Variants in TP53BP1 observed in about 807,000 individuals in gnomAD.
TP53BP1 encodes tumor protein p53 binding protein 1.
Under a neutral mutation model 200.8 loss-of-function variants are expected in TP53BP1, and 61 were observed. That is an observed-to-expected ratio of 0.30 (90% CI 0.25 to 0.38). TP53BP1 has a LOEUF of 0.38. Ranked by LOEUF, TP53BP1 falls within the 10% of genes least tolerant of loss-of-function variation. The probability of loss-of-function intolerance (pLI) is 1.00; values close to 1 mark genes in which losing one functional copy is unlikely to be tolerated. For synonymous variants in TP53BP1, 822 were observed against 844.3 expected, an observed-to-expected ratio of 0.97 and a Z score of 0.46; for missense variants, 2,144 against 2,371.9, an observed-to-expected ratio of 0.90 and a Z score of 2.00.
chr15:43,475,242 C>G (rs888143678), intron 9 of TP53BP1, among the ~76,000 whole-genome samples: 1 of 152,212 alleles, frequency 6.6e-6, no homozygotes, highest in Non-Finnish European at 1.5e-5. Flanking sequence ...ACAACCTATT[C>G]TCCACCCTCT....
In TP53BP1 at chr15:43,415,819, G is replaced by T; in HGVS notation, c.4874-10C>A. On this transcript the variant is annotated splice_polypyrimidine_tract_variant and intron_variant, in intron 22 of 27. Coordinates refer to ENST00000382044, the MANE Select transcript of TP53BP1 (RefSeq NM_001141980.3). ...CCTTCCACCAAATTGTCTATGGCAG[G>T]ATAAGCCAAACAGGTTGGTCAAACT... 1 of 1,612,664 alleles carries T rather than the reference G, an allele frequency of 6.2e-7. No individual in the cohort carries two copies.
chr15:43,501,663 A>G (rs757848936), intron 1 of TP53BP1, among the ~76,000 whole-genome samples: 1 of 152,188 alleles, frequency 6.6e-6, no homozygotes, highest in Admixed American at 6.5e-5. Context: ...AACTTCTATG[A>G]CCATAGATTA....
chr15:43,447,032 T>C (rs2046057312), intron 13 of TP53BP1: 5 of 489,636 alleles, frequency 1.0e-5, no homozygotes, highest in Admixed American at 2.6e-5. Context: ...ACTGAATAAA[T>C]AGTACTTCTA....
At chr15:43,487,294 T>C (rs1048016158) in intron 4 of TP53BP1, among the ~76,000 whole-genome samples, 2 of 149,848 alleles carry the variant, frequency 1.3e-5, no homozygotes, top group African/African-American at 2.4e-5. Context: ...ATGGCTAAAA[T>C]AAAAAATACT....
chr15:43,441,874 C>A (rs938173422), intron 14 of TP53BP1, among the ~76,000 whole-genome samples: 2 of 152,008 alleles, frequency 1.3e-5, no homozygotes, highest in Admixed American at 6.6e-5. Flanking sequence ...CTCAACCTCC[C>A]GAGTAGCTGG....
At chr15:43,431,076 GGCAGGGAGCATATATAGCATATGGATAT>G (rs1380090708) in intron 17 of TP53BP1, among the ~76,000 whole-genome samples, 2 of 152,064 alleles carry the variant, frequency 1.3e-5, no homozygotes, top group Non-Finnish European at 2.9e-5. Flanking sequence ...GTCATTAACA[GGCAGGGAGCATATATAGCATATGGATAT>G]GCTAGAAAAA....
intron 14 of TP53BP1, among the ~76,000 whole-genome samples, chr15:43,445,638 G>C (rs964642404): frequency 6.6e-6 from 1 of 152,116 alleles, no homozygotes; most frequent in Non-Finnish European, 1.5e-5. Context: ...ACCTACTTGG[G>C]AGTACTATTA....
At chr15:43,461,101 T>G (rs1237298248) in intron 11 of TP53BP1, among the ~76,000 whole-genome samples, 1 of 152,110 alleles carries the variant, frequency 6.6e-6, no homozygotes, top group African/African-American at 2.4e-5. Context: ...AATAATTCCA[T>G]TTCTGGGAAA....
At chr15:43,411,526 T>G (rs1453541043) in intron 24 of TP53BP1, among the ~76,000 whole-genome samples, 2 of 152,258 alleles carry the variant, frequency 1.3e-5, no homozygotes, top group African/African-American at 2.4e-5. Flanking sequence ...TCTTAAAAAC[T>G]ATAATTCTGT....
Position 43,456,525 on chromosome 15 carries a change from G to C in TP53BP1, c.2083C>G (p.His695Asp), listed in dbSNP as rs1183849417. ...GACTGAGTTTCAGTCAGAGAAAGGTGCAACGGAACACTCTCCATATTTTCT... is the reference window on the plus strand; with the variant it reads ...GACTGAGTTTCAGTCAGAGAAAGGTCCAACGGAACACTCTCCATATTTTCT... ...KEENMESVPLHLSLTETQSQG... is the reference protein window; with the variant it reads ...KEENMESVPLDLSLTETQSQG... Residue 695 changes from histidine (H) to aspartate (D), a missense_variant, in exon 12 of 28, where the codon CAC (histidine) becomes GAC (aspartate). Physicochemically the swap from His to Asp is moderately conservative, Grantham distance 81. Coordinates refer to ENST00000382044, the MANE Select transcript of TP53BP1 (RefSeq NM_001141980.3). The C allele has an allele frequency of 6.2e-7, 1 of 1,603,450 alleles. No homozygotes were observed. Among genetic ancestry groups the C allele is most frequent in the Admixed American group, 1.7e-5 (1 of 58,472 alleles).
At chr15:43,452,596 A>G (rs1383849576) in intron 12 of TP53BP1, among the ~76,000 whole-genome samples, 4 of 151,218 alleles carry the variant, frequency 2.6e-5, no homozygotes, top group African/African-American at 9.8e-5. Flanking sequence ...AAAAGCTATT[A>G]TTCTCCCTTC....
chr15:43,447,210 TA>T, intron 13 of TP53BP1, 155 bp downstream of exon 13: 2 of 703,604 alleles, frequency 2.8e-6, no homozygotes, highest in Non-Finnish European at 4.6e-6. Flanking sequence ...CTCCTAGTAG[TA>T]AAATCACAGA....
Position 43,416,233 on chromosome 15 carries a change from A to G in TP53BP1, c.4865T>C (p.Ile1622Thr). The change falls in exon 22 of 28, where the codon ATC becomes ACC. Residue 1622 changes from isoleucine (I) to threonine (T), a missense_variant. Physicochemically the swap from Ile to Thr is moderately conservative, Grantham distance 89 (BLOSUM62 -1). Transcript: ENST00000382044. ...AVTPLTKAAD[I>T]SLDNLVEGKR... ...GGAAGCAAAAGTCTTACCTAAGCTG[A>G]TATCTGCTGCCTTTGTAAGAGGTGT... 6.2e-7 allele frequency: 1 copy of G among 1,613,300 alleles called. No individual in the cohort carries two copies. The highest frequency in any genetic ancestry group is 8.5e-7 in the Non-Finnish European group (1 of 1,179,800).
chr15:43,405,542 A>G lies in TP53BP1; in HGVS notation c.*1841T>C. ...GTACTGTTCAAGCTGTGGGAGATAC[A>G]GCGGTAAACAAACAATATAGAGCAG... On this transcript the variant is annotated 3_prime_UTR_variant, in exon 28 of 28. Coordinates refer to ENST00000382044, the MANE Select transcript of TP53BP1 (RefSeq NM_001141980.3). 3.1e-6 allele frequency: 1 copy of G among 326,522 alleles called. No individual in the cohort carries two copies. The highest frequency in any genetic ancestry group is 5.6e-6 in the Non-Finnish European group (1 of 177,966). 20.2% of individuals were successfully genotyped at this position (326,522 alleles called of 1,614,324 possible). A position where few individuals can be genotyped will look rare whatever the true frequency, so the allele number is the denominator to read the frequency against.
chr15:43,411,115 C>T (rs761285521), intron 24 of TP53BP1, among the ~76,000 whole-genome samples: 7 of 152,192 alleles, frequency 4.6e-5, no homozygotes, highest in Non-Finnish European at 1.0e-4. Flanking sequence ...TCTGCTTAAT[C>T]CAGGACTGGT....
At chr15:43,409,200 T>C in intron 25 of TP53BP1, 104 bp from the exon 26 acceptor site, 1 of 1,022,132 alleles carries the variant, frequency 9.8e-7, no homozygotes, top group Non-Finnish European at 1.5e-6. Context: ...GACTCCCAAC[T>C]ACTACCCAAA....
chr15:43,469,028 G>C (rs2046656836), intron 11 of TP53BP1, among the ~76,000 whole-genome samples: 4 of 151,986 alleles, frequency 2.6e-5, no homozygotes, highest in Admixed American at 2.6e-4. Context: ...ACAAACTCTT[G>C]TTATAACACC....
Position 43,404,384 on chromosome 15 carries a change from G to C in TP53BP1, c.*2999C>G. 2 of 1,613,244 alleles carry C rather than the reference G, an allele frequency of 1.2e-6. No homozygotes were observed. The highest frequency in any genetic ancestry group is 1.7e-4 in the Middle Eastern group (1 of 6,050). ...TATGGAGAGTTGGTGAGCTGAAGTG[G>C]AATGACAGCTGAGTCCTTCTCTCTG... is the stretch of plus-strand genomic sequence containing the variant. On this transcript the variant is annotated 3_prime_UTR_variant, in exon 28 of 28. Coordinates refer to ENST00000382044, the MANE Select transcript of TP53BP1 (RefSeq NM_001141980.3).
chr15:43,497,371 C>A, upstream of TP53BP1: 3 of 981,408 alleles, frequency 3.1e-6, no homozygotes, highest in Non-Finnish European at 3.6e-6. Flanking sequence ...CAGAGTGAGA[C>A]TCTGCCTCAA....
Sources: allele counts gnomAD v4.1 joint callset (sites outside exome capture counted in the v4.1 genomes callset), GRCh38; gene constraint gnomAD v4.1.1; transcripts MANE v1.5; gene names NCBI Gene and HGNC (gene_info 2026-07-23, HGNC 2026-07-21).